The following PRDM10 variants were observed in gnomAD, a reference collection of about 807,000 sequenced individuals.
PRDM10 encodes the protein PR/SET domain 10, also known as PR domain zinc finger protein 10.
Under a neutral mutation model 133.1 loss-of-function variants are expected in PRDM10, and 65 were observed. The observed-to-expected ratio is 0.49, with a 90% CI of 0.40 to 0.60. The LOEUF is 0.60. PRDM10 is among the 20% of genes least tolerant of loss of function. The pLI is 0.00. For synonymous variants in PRDM10, 582 were observed against 580.4 expected (o/e 1.00, Z -0.04); for missense variants, 1,137 against 1,507.1 (o/e 0.75, Z 4.07).
intron 19 of PRDM10, among the ~76,000 whole-genome samples, chr11:129,906,846 C>G (rs1041116915): frequency 1.3e-5 from 2 of 151,932 alleles, no homozygotes; most frequent in African/African-American, 4.8e-5. Flanking sequence ...GGCATGGTGG[C>G]GGGTGCCTGT....
chr11:130,001,732 G>T (rs1050145822), intron 1 of PRDM10, among the ~76,000 whole-genome samples: 4 of 152,212 alleles, frequency 2.6e-5, no homozygotes, highest in Non-Finnish European at 5.9e-5. Flanking sequence ...CCTAGCTGCA[G>T]GGTTAAACCT....
At chr11:129,907,035 A>T (rs1385231523) in intron 19 of PRDM10, among the ~76,000 whole-genome samples, 1 of 152,182 alleles carries the variant, frequency 6.6e-6, no homozygotes, top group Non-Finnish European at 1.5e-5. Context: ...TAATGAAATA[A>T]TGGAGCTAAA....
At chr11:129,970,744 C>T (rs780396879) in intron 1 of PRDM10, among the ~76,000 whole-genome samples, 1 of 151,974 alleles carries the variant, frequency 6.6e-6, no homozygotes, top group African/African-American at 2.4e-5. Flanking sequence ...CGGGGTTTCA[C>T]GATGTTGGCC....
In PRDM10 at chr11:129,937,608, T is replaced by C. The variant is rs1015467795; in HGVS notation, c.1029A>G (p.Glu343=). The C allele has an allele frequency of 1.2e-6, 2 of 1,613,494 alleles. No individual in the cohort carries two copies. The highest frequency in any genetic ancestry group is 2.7e-5 in the African/African-American group (2 of 74,936). The part of the protein sequence containing the change: ...VNQKIHDISE[E]ERKVLREQEK... The stretch of plus-strand genomic sequence containing the variant: ...TAAACGTCTAACCACCTTTCCTTTC[T>C]TCCTCAGAAATGTCATGAATTTTCT... Residue 343 remains glutamate (E), a synonymous_variant, in exon 8 of 21, where the codon GAA becomes GAG. Transcript: ENST00000360871.
chr11:129,910,158 TAGAC>T (rs1042767635), intron 19 of PRDM10, among the ~76,000 whole-genome samples: 1 of 152,242 alleles, frequency 6.6e-6, no homozygotes, highest in African/African-American at 2.4e-5. Flanking sequence ...CAGCGATTGA[TAGAC>T]AGGCATTCTA....
intron 10 of PRDM10, 38 bp downstream of exon 10, chr11:129,932,064 C>A: frequency 6.3e-7 from 1 of 1,596,664 alleles, no homozygotes; most frequent in Non-Finnish European, 8.6e-7. Flanking sequence ...GTCCTCCACA[C>A]AAGCACCTAA....
intron 6 of PRDM10, among the ~76,000 whole-genome samples, chr11:129,943,933 A>G (rs1369408153): frequency 6.6e-6 from 1 of 152,094 alleles, no homozygotes; most frequent in Non-Finnish European, 1.5e-5. Context: ...CAGGGGGTGC[A>G]GTGAGCTGAG....
At chr11:129,962,054 C>T (rs774167418) in intron 1 of PRDM10, among the ~76,000 whole-genome samples, 6 of 152,094 alleles carry the variant, frequency 3.9e-5, no homozygotes, top group Non-Finnish European at 5.9e-5. Context: ...ACATTTTCTG[C>T]GTAAAAAATT....
chr11:129,916,387 C>A (rs1196048297), intron 15 of PRDM10, among the ~76,000 whole-genome samples: 1 of 152,216 alleles, frequency 6.6e-6, no homozygotes, highest in African/African-American at 2.4e-5. Flanking sequence ...GTGGCTCATG[C>A]CTATAATCCC....
chr11:129,910,541 T>G lies in PRDM10; in HGVS notation c.3098A>C (p.Gln1033Pro), dbSNP rs141740226. ...GTGCTGCACAGAGGAATTCTGCTGC[T>G]GCTGCTGCTGCTGCTGCAGAGCCTG... ...QGQALQQQQQ[Q>P]QQNSSVQHTY... The change falls in exon 19 of 21, where the codon CAG becomes CCG. Residue 1033 changes from glutamine to proline, a missense_variant. By Grantham distance (76) the Gln-to-Pro change is moderately conservative. This residue lies in a region of PRDM10 where 243 missense variants were observed against 259.2 expected (regional missense o/e 0.94). Coordinates refer to ENST00000360871, the MANE Select transcript of PRDM10 (RefSeq NM_199437.2). 5,022 of 1,613,372 alleles carry G rather than the reference T, an allele frequency of 3.1e-3. 26 individuals are homozygous for G. The highest frequency in any genetic ancestry group is 0.011 in the Middle Eastern group (65 of 6,060).
intron 6 of PRDM10, among the ~76,000 whole-genome samples, 184 bp downstream of exon 6, chr11:129,944,584 CAAA>C (rs36041173): frequency 2.7e-5 from 3 of 109,298 alleles, no homozygotes; most frequent in Admixed American, 9.0e-5. Flanking sequence ...GACTCCGTCT[CAAA>C]AAAAAAAAAA....
intron 11 of PRDM10, chr11:129,929,332 T>C (rs1950777816): frequency 2.9e-6 from 4 of 1,385,206 alleles, no homozygotes; most frequent in Non-Finnish European, 3.9e-6. Flanking sequence ...CAGGATTTAG[T>C]AAGTACAGGT....
At position 129,978,193 on chromosome 11, in the gene PRDM10, C is replaced by T. The variant is rs189167083; in HGVS notation, c.-118-17111G>A. Among the ~76,000 whole-genome samples the T allele has an allele frequency of 1.7e-3, 252 of 152,128 alleles. 3 individuals are homozygous for T. The highest frequency in any genetic ancestry group is 3.1e-3 in the Non-Finnish European group (211 of 67,994). ...TGTGATAATGCTGGGACACTCCAGG[C>T]GTGTCTAGGGGCCACTCACATTGAC... On this transcript the variant is annotated intron_variant, in intron 1 of 20. Transcript: ENST00000360871.
chr11:129,987,683 A>G (rs1938504083), intron 1 of PRDM10, among the ~76,000 whole-genome samples: 1 of 152,254 alleles, frequency 6.6e-6, no homozygotes, highest in South Asian at 2.1e-4. Context: ...ATATCCATAT[A>G]ATGGAATATT....
At chr11:129,925,743 C>T (rs1403419977) in intron 11 of PRDM10, among the ~76,000 whole-genome samples, 2 of 151,944 alleles carry the variant, frequency 1.3e-5, no homozygotes, top group Non-Finnish European at 2.9e-5. Context: ...ATAAAAAGAA[C>T]TGAAGGGTAG....
chr11:129,928,660 G>A (rs1248686475), intron 11 of PRDM10, among the ~76,000 whole-genome samples: 1 of 152,152 alleles, frequency 6.6e-6, no homozygotes, highest in Non-Finnish European at 1.5e-5. Context: ...CTCCCAAAGT[G>A]CCGAGATTAT....
intron 9 of PRDM10, among the ~76,000 whole-genome samples, chr11:129,933,278 T>C (rs747981442): frequency 3.3e-5 from 5 of 152,214 alleles, no homozygotes; most frequent in Non-Finnish European, 7.3e-5. Flanking sequence ...CCTAGGTGAA[T>C]GTAGAGACTA....
chr11:129,991,733 A>C (rs1938761304), intron 1 of PRDM10, among the ~76,000 whole-genome samples: 3 of 151,424 alleles, frequency 2.0e-5, no homozygotes, highest in Admixed American at 2.0e-4. Context: ...GCAGGAGAAT[A>C]GCTTGAACCT....
chr11:129,994,099 GA>G (rs200980079), intron 1 of PRDM10, among the ~76,000 whole-genome samples: 1,554 of 152,056 alleles, frequency 0.01, 33 homozygotes, highest in African/African-American at 0.035. Flanking sequence ...CCATGAATCT[GA>G]AAAAAATATA....
Sources: allele counts gnomAD v4.1 joint callset (sites outside exome capture counted in the v4.1 genomes callset), GRCh38; gene constraint gnomAD v4.1.1; regional missense constraint gnomAD v4.1.1; transcripts MANE v1.5; gene names NCBI Gene and HGNC (gene_info 2026-07-23, HGNC 2026-07-21).